The following TMEM178B variants were observed in gnomAD, a reference collection of about 807,000 sequenced individuals.
TMEM178B encodes the protein transmembrane protein 178B.
In TMEM178B, 5 loss-of-function variants were observed where a neutral mutation model predicts 31.0. The ratio of observed to expected loss-of-function variants is 0.16; its 90% confidence interval spans 0.08 to 0.34. The LOEUF is 0.34. Among genes scored for constraint, TMEM178B ranks in the 10% least tolerant of loss-of-function variants. The probability of loss-of-function intolerance (pLI) is 1.00; values close to 1 mark genes in which losing one functional copy is unlikely to be tolerated. For missense variants in TMEM178B, 275 were observed against 400.3 expected, an observed-to-expected ratio of 0.69 and a Z score of 2.67; for synonymous variants, 164 against 164.0, an observed-to-expected ratio of 1.00 and a Z score of 0.00.
chr7:141,369,687 A>C (rs1418693063), intron 2 of TMEM178B, among the ~76,000 whole-genome samples: 2 of 152,184 alleles, frequency 1.3e-5, no homozygotes, highest in African/African-American at 4.8e-5. Flanking sequence ...ACTTCAGACA[A>C]ATACATTCTG....
intron 3 of TMEM178B, among the ~76,000 whole-genome samples, chr7:141,455,122 A>G (rs1007468485): frequency 6.6e-6 from 1 of 152,176 alleles, no homozygotes; most frequent in Non-Finnish European, 1.5e-5. Context: ...TCATTGAAAG[A>G]GATTTAGTGC....
intron 1 of TMEM178B, among the ~76,000 whole-genome samples, chr7:141,111,063 A>G (rs1187686051): frequency 6.6e-6 from 1 of 152,162 alleles, no homozygotes; most frequent in Non-Finnish European, 1.5e-5. Flanking sequence ...ATGCCAGTGT[A>G]TTAGTCGGTT....
At chr7:141,271,785 G>T (rs111377874) in intron 2 of TMEM178B, among the ~76,000 whole-genome samples, 4 of 152,168 alleles carry the variant, frequency 2.6e-5, no homozygotes, top group African/African-American at 9.7e-5. Context: ...TGCTTCACTT[G>T]TATCATCTCC....
At chr7:141,510,710 AAAG>A in the TMEM178B span, among the ~76,000 whole-genome samples, 53 of 134,812 alleles carry the variant, frequency 3.9e-4, 3 homozygotes, top group African/African-American at 1.7e-3. Flanking sequence ...AAAAAAAAAA[AAAG>A]AAAAAAAAAG....
At chr7:141,418,694 TGTTC>T (rs1801145345) in intron 2 of TMEM178B, among the ~76,000 whole-genome samples, 1 of 152,202 alleles carries the variant, frequency 6.6e-6, no homozygotes, top group African/African-American at 2.4e-5. Flanking sequence ...TCTCACTTTA[TGTTC>T]CATCTCTCGA....
chr7:141,401,588 T>A (rs1563172255), intron 2 of TMEM178B, among the ~76,000 whole-genome samples: 55 of 151,742 alleles, frequency 3.6e-4, no homozygotes, highest in Non-Finnish European at 2.9e-5. Context: ...GCTATTTTTT[T>A]ATTTTTTTAT....
chr7:141,202,872 GC>G (rs1297277871), intron 1 of TMEM178B, among the ~76,000 whole-genome samples: 4 of 152,182 alleles, frequency 2.6e-5, no homozygotes, highest in Non-Finnish European at 5.9e-5. Flanking sequence ...TCCCATTTCT[GC>G]CCCATTTGGG....
At chr7:141,329,263 A>ACC (rs1348482817) in intron 2 of TMEM178B, among the ~76,000 whole-genome samples, 4 of 151,670 alleles carry the variant, frequency 2.6e-5, no homozygotes, top group Non-Finnish European at 5.9e-5. Flanking sequence ...AACTCTTCCC[A>ACC]CCCCCTACCT....
intron 2 of TMEM178B, among the ~76,000 whole-genome samples, chr7:141,402,446 G>A (rs1800801802): frequency 6.6e-6 from 1 of 152,176 alleles, no homozygotes; most frequent in African/African-American, 2.4e-5. Flanking sequence ...CTTTTCACCT[G>A]CCATGTGGGA....
At chr7:141,491,554 T>G in the TMEM178B span, among the ~76,000 whole-genome samples, 5 of 152,240 alleles carry the variant, frequency 3.3e-5, no homozygotes, top group Admixed American at 2.0e-4. Flanking sequence ...TTGGGCAGTT[T>G]GAAGTTTTCA....
chr7:141,421,322 T>C (rs1801205461), intron 2 of TMEM178B, among the ~76,000 whole-genome samples: 1 of 152,230 alleles, frequency 6.6e-6, no homozygotes, highest in African/African-American at 2.4e-5. Context: ...AAGACTGGTA[T>C]ATCCTGCACC....
chr7:141,328,215 T>C (rs1490641780), intron 2 of TMEM178B, among the ~76,000 whole-genome samples: 1 of 152,224 alleles, frequency 6.6e-6, no homozygotes, highest in Non-Finnish European at 1.5e-5. Context: ...GACCCCGTTA[T>C]TGTGACTGGA....
intron 3 of TMEM178B, among the ~76,000 whole-genome samples, chr7:141,444,255 A>C (rs1801712581): frequency 6.6e-6 from 1 of 152,192 alleles, no homozygotes; most frequent in Non-Finnish European, 1.5e-5. Flanking sequence ...GATCTCCAGA[A>C]CTTTGTCTGC....
intron 1 of TMEM178B, among the ~76,000 whole-genome samples, chr7:141,100,437 C>T (rs1450173415): frequency 6.6e-6 from 1 of 152,082 alleles, no homozygotes; most frequent in Non-Finnish European, 1.5e-5. Context: ...CTAGCATTTT[C>T]TATAACCAGC....
intron 1 of TMEM178B, among the ~76,000 whole-genome samples, chr7:141,147,675 G>T (rs1209578569): frequency 1.3e-5 from 2 of 152,168 alleles, no homozygotes; most frequent in African/African-American, 4.8e-5. Flanking sequence ...GGAGCCCCAC[G>T]TGGGAGAATG....
chr7:141,093,352 G>A (rs1000125513), intron 1 of TMEM178B, among the ~76,000 whole-genome samples: 1 of 152,212 alleles, frequency 6.6e-6, no homozygotes, highest in African/African-American at 2.4e-5. Flanking sequence ...AGCTGGCAGA[G>A]CAGAGCTGCC....
rs1267387520 is a variant in TMEM178B at position 141,461,932 on chromosome 7, G to A, written c.635-8604G>A. On this transcript the variant is annotated intron_variant, in intron 3 of 3. Transcript: ENST00000565468. This position sits in a 1 kb window ranked among gnomAD's most constrained non-coding sequence, Gnocchi z 4.0. ...CTTTGTTCCCTGGTGACATTTCAGG[G>A]TGGCAAAAATTAGCTGCTCCCCAAC... Among the ~76,000 whole-genome samples the A allele has an allele frequency of 6.6e-6, 1 of 152,158 alleles. No individual in the cohort carries two copies. Among genetic ancestry groups the A allele is most frequent in the Non-Finnish European group, 1.5e-5 (1 of 68,026 alleles).
rs949585328 is a variant in TMEM178B at position 141,349,856 on chromosome 7, G to A, written c.497-87752G>A. On this transcript the variant is annotated intron_variant, in intron 2 of 3. Coordinates refer to ENST00000565468, the MANE Select transcript of TMEM178B (RefSeq NM_001195278.2). ...GTGTTAAACTGCATGGTCAGGGTAA[G>A]CCTCATGGAGAAGGCAGCCCCCTCG... Among the ~76,000 whole-genome samples the A allele has an allele frequency of 2.6e-5, 4 of 152,294 alleles. No individual in the cohort carries two copies. In the South Asian group the frequency reaches 8.3e-4, roughly 32 times the overall value.
chr7:141,132,734 G>A (rs1001333958), intron 1 of TMEM178B, among the ~76,000 whole-genome samples: 2 of 152,160 alleles, frequency 1.3e-5, no homozygotes, highest in Admixed American at 6.5e-5. Flanking sequence ...AGCCACCATT[G>A]CCACTGTAGG....
Sources: gnomAD v4.1 joint callset for allele counts (sites outside exome capture counted in the v4.1 genomes callset) on GRCh38, gnomAD v4.1.1 for gene constraint, Gnocchi (gnomAD v3.1) non-coding constraint, MANE v1.5 for transcripts, NCBI Gene and HGNC (gene_info 2026-07-23, HGNC 2026-07-21) for gene names.